The following FHIT variants were observed in gnomAD, a reference collection of about 807,000 sequenced individuals.
FHIT encodes the protein fragile histidine triad diadenosine triphosphatase.
A neutral mutation model predicts 17.9 loss-of-function variants in FHIT; 19 were observed. That is an observed-to-expected ratio of 1.06 (90% CI 0.74 to 1.56). FHIT has a LOEUF of 1.56. Ranked by LOEUF, FHIT falls within the 40% of genes most tolerant of loss-of-function variation. The probability of loss-of-function intolerance (pLI) is 0.00; values close to 1 mark genes in which losing one functional copy is unlikely to be tolerated. For synonymous variants in FHIT, 81 were observed against 69.7 expected (o/e 1.16, Z -0.81); for missense variants, 248 against 189.2 (o/e 1.31, Z -1.82).
chr3:60,145,714 C>A (rs1700212119), intron 5 of FHIT, among the ~76,000 whole-genome samples: 1 of 152,162 alleles, frequency 6.6e-6, no homozygotes, highest in South Asian at 2.1e-4. Flanking sequence ...TCTTAAACCA[C>A]ACTTATCCTG....
chr3:61,246,875 T>TA (rs1204929277), intron 1 of FHIT, among the ~76,000 whole-genome samples: 1 of 151,856 alleles, frequency 6.6e-6, no homozygotes, highest in African/African-American at 2.4e-5. Context: ...TAAAAAAATT[T>TA]AAAAAAAGAA....
At chr3:60,712,532 A>G (rs1393191997) in intron 4 of FHIT, among the ~76,000 whole-genome samples, 3 of 151,886 alleles carry the variant, frequency 2.0e-5, no homozygotes, top group Admixed American at 1.3e-4. Flanking sequence ...CAGGAAACCC[A>G]TCTCACATAC....
chr3:59,945,523 A>G (rs992491134), intron 7 of FHIT, among the ~76,000 whole-genome samples: 2 of 149,092 alleles, frequency 1.3e-5, no homozygotes, highest in African/African-American at 4.9e-5. Context: ...CTTTAGCTTA[A>G]TTAGGTTCCA....
At chr3:60,636,756 T>A (rs1191244732) in intron 4 of FHIT, among the ~76,000 whole-genome samples, 1 of 152,054 alleles carries the variant, frequency 6.6e-6, no homozygotes, top group Non-Finnish European at 1.5e-5. Flanking sequence ...AAAAAGTGAG[T>A]CCTTCACAGC....
intron 5 of FHIT, among the ~76,000 whole-genome samples, chr3:60,399,860 G>C (rs1701591808): frequency 6.6e-6 from 1 of 152,132 alleles, no homozygotes; most frequent in Non-Finnish European, 1.5e-5. Context: ...GGCTGAGTTA[G>C]GCTAGCTGTC....
intron 5 of FHIT, 91 bp from the exon 6 acceptor site, chr3:60,014,243 C>A (rs889199257): frequency 3.8e-6 from 5 of 1,300,550 alleles, no homozygotes; most frequent in Non-Finnish European, 5.4e-6. Context: ...TCCTCTCGGA[C>A]CAGGGCCTGA....
intron 4 of FHIT, among the ~76,000 whole-genome samples, chr3:60,594,917 G>A (rs1468139559): frequency 2.6e-5 from 4 of 151,984 alleles, no homozygotes; most frequent in African/African-American, 9.7e-5. Flanking sequence ...TCCCCTATTT[G>A]AGGCCAGTCC....
At chr3:59,984,417 G>A (rs770063413) in intron 7 of FHIT, among the ~76,000 whole-genome samples, 6 of 152,000 alleles carry the variant, frequency 3.9e-5, no homozygotes, top group African/African-American at 1.4e-4. Flanking sequence ...GGAAGACAGC[G>A]TGGAACATGC....
chr3:60,195,503 C>T (rs1029741012), intron 5 of FHIT, among the ~76,000 whole-genome samples: 8 of 141,334 alleles, frequency 5.7e-5, no homozygotes, highest in African/African-American at 2.1e-4. Context: ...GACGTGGAAC[C>T]AACCTAAGTG....
chr3:59,806,297 T>C (rs1427112558), intron 8 of FHIT, among the ~76,000 whole-genome samples: 1 of 152,124 alleles, frequency 6.6e-6, no homozygotes, highest in Non-Finnish European at 1.5e-5. Context: ...TTTAGGCCTC[T>C]CTTAAGCCTC....
intron 2 of FHIT, among the ~76,000 whole-genome samples, chr3:61,160,290 C>A (rs1161183901): frequency 6.6e-6 from 1 of 151,924 alleles, no homozygotes; most frequent in Non-Finnish European, 1.5e-5. Context: ...GTGAGAGACC[C>A]AAGCTTTGAA....
At chr3:59,949,347 T>C (rs1706997297) in intron 7 of FHIT, among the ~76,000 whole-genome samples, 1 of 152,218 alleles carries the variant, frequency 6.6e-6, no homozygotes, top group African/African-American at 2.4e-5. Flanking sequence ...CACTCATCTA[T>C]GAACAGGCTC....
chr3:61,035,710 A>G (rs149419259), intron 3 of FHIT, among the ~76,000 whole-genome samples: 1 of 152,326 alleles, frequency 6.6e-6, no homozygotes, highest in African/African-American at 2.4e-5. Context: ...AATTCCATAA[A>G]TGACATAACA....
At chr3:61,075,983 T>C (rs1559962672) in intron 2 of FHIT, among the ~76,000 whole-genome samples, 1 of 152,214 alleles carries the variant, frequency 6.6e-6, no homozygotes, top group Non-Finnish European at 1.5e-5. Flanking sequence ...TTGAGCACTT[T>C]ACATTATTAT....
rs1169795929 is a variant in FHIT, at chr3:60,392,267, A to G, written c.103+144593T>C. Among the ~76,000 whole-genome samples the G allele has an allele frequency of 2.6e-5, 4 of 152,212 alleles. No individual in the cohort carries two copies. In the East Asian group the frequency reaches 7.7e-4, roughly 29 times the overall value. On this transcript the variant is annotated intron_variant, in intron 5 of 9. Coordinates refer to ENST00000492590, the MANE Select transcript of FHIT (RefSeq NM_002012.4). Reference sequence around the variant, plus strand: ...TGCTAATGTTGAGGCAAGAACATGCATCAAATTTATGGCGAAGCTTGGATG... The same window carrying G: ...TGCTAATGTTGAGGCAAGAACATGCGTCAAATTTATGGCGAAGCTTGGATG...
At chr3:60,383,460 G>C (rs189743632) in intron 5 of FHIT, among the ~76,000 whole-genome samples, 57 of 152,064 alleles carry the variant, frequency 3.7e-4, no homozygotes, top group African/African-American at 1.1e-3. Flanking sequence ...TTGGAGGTGA[G>C]AGTGCTACTG....
At chr3:60,148,748 T>C (rs968027991) in intron 5 of FHIT, among the ~76,000 whole-genome samples, 2 of 152,228 alleles carry the variant, frequency 1.3e-5, no homozygotes, top group Non-Finnish European at 2.9e-5. Flanking sequence ...TTTTAAAGCC[T>C]GGGTTTACAT....
At chr3:60,624,608 G>A (rs2885865) in intron 4 of FHIT, among the ~76,000 whole-genome samples, 66,431 of 151,968 alleles carry the variant, frequency 0.44, 15,191 homozygotes, top group East Asian at 0.71. Flanking sequence ...AAGAAAAACT[G>A]GATAAAGGCA....
At chr3:60,468,205 T>A (rs534635399) in intron 5 of FHIT, among the ~76,000 whole-genome samples, 2 of 152,222 alleles carry the variant, frequency 1.3e-5, no homozygotes, top group Admixed American at 1.3e-4. Flanking sequence ...CGAAGTGTGT[T>A]CTTGCAGGCA....
Sources: allele counts gnomAD v4.1 joint callset (sites outside exome capture counted in the v4.1 genomes callset), GRCh38; gene constraint gnomAD v4.1.1; transcripts MANE v1.5; gene names NCBI Gene and HGNC (gene_info 2026-07-23, HGNC 2026-07-21).